The following GRIK2 variants were observed in gnomAD, a reference collection of about 807,000 sequenced individuals.
GRIK2 encodes the protein glutamate ionotropic receptor kainate type subunit 2, also known as glutamate receptor ionotropic, kainate 2.
Under a neutral mutation model 100.3 loss-of-function variants are expected in GRIK2, and 32 were observed. The ratio of observed to expected loss-of-function variants is 0.32; its 90% CI spans 0.24 to 0.43. GRIK2 has a LOEUF of 0.43. GRIK2 is among the 20% of genes least tolerant of loss of function. The pLI is 1.00. For synonymous variants in GRIK2, 417 were observed against 389.4 expected, an observed-to-expected ratio of 1.07 and a Z score of -0.83; for missense variants, 843 against 1,114.9, an observed-to-expected ratio of 0.76 and a Z score of 3.47.
In GRIK2 at chr6:101,549,734, A is replaced by C. The variant is rs371948639; in HGVS notation, c.116-72215A>C. On this transcript the variant is annotated intron_variant, in intron 2 of 16. Transcript: ENST00000369134. ...TGACTTAAGTTAAAACATCATATGC[A>C]GTACCAAAGTAATAAAAACTAACAC... Among the ~76,000 whole-genome samples, 9 of 152,278 alleles carry C rather than the reference A, an allele frequency of 5.9e-5. No individual in the cohort carries two copies. The East Asian group carries it at 1.5e-3, about 26-fold the overall frequency.
chr6:101,935,469 G>A (rs1463657463), intron 14 of GRIK2, among the ~76,000 whole-genome samples: 10 of 151,900 alleles, frequency 6.6e-5, no homozygotes, highest in Admixed American at 2.0e-4. Context: ...AACCTTTATC[G>A]TAGGTTTTTC....
At chr6:101,782,040 G>A (rs904036061) in intron 7 of GRIK2, among the ~76,000 whole-genome samples, 1 of 152,038 alleles carries the variant, frequency 6.6e-6, no homozygotes, top group African/African-American at 2.4e-5. Context: ...GATTCTTAAT[G>A]TATGTACATA....
intron 7 of GRIK2, chr6:101,744,541 T>TATATATAC (rs1554257100): frequency 2.4e-5 from 3 of 123,116 alleles, no homozygotes; most frequent in African/African-American, 1.0e-4. Context: ...TATATATATA[T>TATATATAC]ATATATATAT....
intron 7 of GRIK2, among the ~76,000 whole-genome samples, chr6:101,758,823 A>G (rs2128388658): frequency 6.6e-6 from 1 of 152,302 alleles, no homozygotes. Flanking sequence ...TTCTTTGGAA[A>G]TAATTGTCTT....
intron 2 of GRIK2, among the ~76,000 whole-genome samples, chr6:101,469,088 AG>A (rs1158497850): frequency 6.6e-6 from 1 of 152,160 alleles, no homozygotes; most frequent in Non-Finnish European, 1.5e-5. Context: ...AGCCTGAATG[AG>A]GAGTTCACTA....
At chr6:101,399,470 T>C (rs951046150) in intron 2 of GRIK2, 78 bp downstream of exon 2, 33 of 781,394 alleles carry the variant, frequency 4.2e-5, no homozygotes, top group Non-Finnish European at 7.3e-5. Context: ...TCGCTCTGCC[T>C]GGCGGTGGGC....
chr6:101,595,696 A>ATG (rs1331291300), intron 2 of GRIK2, among the ~76,000 whole-genome samples: 81 of 92,162 alleles, frequency 8.8e-4, no homozygotes, highest in Admixed American at 5.0e-3. Flanking sequence ...ATGTATATAT[A>ATG]TATGTGTGTG....
chr6:102,010,930 C>T (rs1405310533), intron 14 of GRIK2, among the ~76,000 whole-genome samples: 5 of 152,004 alleles, frequency 3.3e-5, no homozygotes, highest in Non-Finnish European at 7.4e-5. Flanking sequence ...TTTATCCACC[C>T]ATCTCATGAA....
intron 7 of GRIK2, among the ~76,000 whole-genome samples, chr6:101,686,645 G>A (rs1163761765): frequency 6.6e-6 from 1 of 152,096 alleles, no homozygotes; most frequent in African/African-American, 2.4e-5. Context: ...GGAGAAATGA[G>A]AGACTGAAAG....
intron 2 of GRIK2, among the ~76,000 whole-genome samples, chr6:101,607,136 T>TA (rs1322894396): frequency 6.6e-6 from 1 of 151,970 alleles, no homozygotes; most frequent in Admixed American, 6.6e-5. Flanking sequence ...TGTTGGCTCT[T>TA]ATGTGTCTAT....
chr6:101,594,777 G>C (rs1778830940), intron 2 of GRIK2, among the ~76,000 whole-genome samples: 1 of 151,754 alleles, frequency 6.6e-6, no homozygotes, highest in Admixed American at 6.6e-5. Flanking sequence ...TGACATATGA[G>C]TTATGTTTAA....
intron 16 of GRIK2, chr6:102,065,728 A>C: frequency 1.1e-6 from 1 of 913,826 alleles, no homozygotes; most frequent in Non-Finnish European, 1.7e-6. Context: ...ACAATTTTAA[A>C]TGTCAACGGG....
At chr6:101,697,462 A>G (rs1772576336) in intron 7 of GRIK2, among the ~76,000 whole-genome samples, 1 of 140,978 alleles carries the variant, frequency 7.1e-6, no homozygotes, top group Non-Finnish European at 1.6e-5. Context: ...AATGAGCCCA[A>G]TTACAATGAT....
At chr6:101,969,513 T>G (rs986167798) in intron 14 of GRIK2, among the ~76,000 whole-genome samples, 3 of 152,030 alleles carry the variant, frequency 2.0e-5, no homozygotes, top group African/African-American at 7.2e-5. Context: ...AATAATTGAT[T>G]TCAACTCATA....
At chr6:101,559,777 C>G (rs1776914298) in intron 2 of GRIK2, among the ~76,000 whole-genome samples, 1 of 152,082 alleles carries the variant, frequency 6.6e-6, no homozygotes, top group South Asian at 2.1e-4. Flanking sequence ...AGCTGTCACA[C>G]ACACCCCCAC....
intron 2 of GRIK2, among the ~76,000 whole-genome samples, chr6:101,505,576 C>T (rs1275254497): frequency 6.6e-6 from 1 of 152,070 alleles, no homozygotes; most frequent in East Asian, 1.9e-4. Flanking sequence ...TAGACATTTC[C>T]TTACTGAATA....
At chr6:101,540,928 T>A (rs2128288423) in intron 2 of GRIK2, among the ~76,000 whole-genome samples, 1 of 152,064 alleles carries the variant, frequency 6.6e-6, no homozygotes, top group South Asian at 2.1e-4. Flanking sequence ...CACCAGAATT[T>A]TAAGACCAAT....
intron 12 of GRIK2, among the ~76,000 whole-genome samples, chr6:101,912,712 C>T (rs914082860): frequency 3.0e-4 from 45 of 151,482 alleles, no homozygotes; most frequent in Admixed American, 2.6e-4. Flanking sequence ...TACCTTGTTC[C>T]CACTTTTTCT....
At chr6:101,615,624 A>G (rs1779856210) in intron 2 of GRIK2, among the ~76,000 whole-genome samples, 4 of 151,842 alleles carry the variant, frequency 2.6e-5, no homozygotes, top group South Asian at 2.1e-4. Context: ...TCACATGCTT[A>G]TGAAATACTA....
Sources: allele counts gnomAD v4.1 joint callset (sites outside exome capture counted in the v4.1 genomes callset), GRCh38; gene constraint gnomAD v4.1.1; transcripts MANE v1.5; gene names NCBI Gene and HGNC (gene_info 2026-07-23, HGNC 2026-07-21).